ASTN2: variants seen among roughly 807,000 people sequenced by gnomAD.
ASTN2 encodes astrotactin-2.
A neutral mutation model predicts 139.8 loss-of-function variants in ASTN2; 54 were observed. The ratio of observed to expected loss-of-function variants is 0.39; its 90% CI spans 0.31 to 0.48. The LOEUF is 0.48. Among genes scored for constraint, ASTN2 ranks in the 20% least tolerant of loss-of-function variants. The pLI, the probability that ASTN2 is intolerant of heterozygous loss-of-function variation, is 0.95. For missense variants in ASTN2, 1,565 were observed against 1,725.1 expected (o/e 0.91, Z 1.64); for synonymous variants, 756 against 719.5 (o/e 1.05, Z -0.81).
At chr9:116,838,819 A>T (rs1390063131) in intron 11 of ASTN2, among the ~76,000 whole-genome samples, 1 of 152,202 alleles carries the variant, frequency 6.6e-6, no homozygotes, top group Admixed American at 6.5e-5. Flanking sequence ...GACAGCAGGA[A>T]GTCAGAGAAG....
At chr9:117,088,628 A>C (rs1460443500) in intron 5 of ASTN2, among the ~76,000 whole-genome samples, 1 of 152,216 alleles carries the variant, frequency 6.6e-6, no homozygotes, top group Non-Finnish European at 1.5e-5. Flanking sequence ...CCAGCTTAGG[A>C]ATTGCCAAAT....
intron 2 of ASTN2, among the ~76,000 whole-genome samples, chr9:117,220,402 C>T (rs1056861478): frequency 2.6e-5 from 4 of 152,128 alleles, no homozygotes; most frequent in Non-Finnish European, 4.4e-5. Flanking sequence ...TCCCCTCAGC[C>T]TGAAGCACCC....
chr9:116,479,320 A>C lies in ASTN2; in HGVS notation c.3497+8039T>G, dbSNP rs1177901123. Among the ~76,000 whole-genome samples the C allele has an allele frequency of 2.0e-5, 3 of 152,200 alleles. No homozygotes were observed. In the South Asian group the frequency reaches 6.2e-4, roughly 31 times the overall value. ...AGAGGGTAGGGTAGGAATGTAAATA[A>C]AGGGAAACATTGGGATTTCATCTAA... On this transcript the variant is annotated intron_variant, in intron 20 of 22. Transcript: ENST00000313400.
At chr9:116,978,552 T>G (rs1836423399) in intron 7 of ASTN2, among the ~76,000 whole-genome samples, 1 of 151,138 alleles carries the variant, frequency 6.6e-6, no homozygotes, top group Non-Finnish European at 1.5e-5. Context: ...CCTTGGATCC[T>G]ACAGTGATTC....
rs539643645 is a variant in ASTN2, at chr9:117,169,436, C to T, written c.1016-27958G>A. 2.6e-5 allele frequency among the ~76,000 whole-genome samples: 4 copies of T among 152,250 alleles called. No homozygotes were observed. The South Asian group carries it at 8.3e-4, about 32-fold the overall frequency. ...GGGGTTTATTTATAGTGACTCTCTG[C>T]TTTTCCCTTTCCTGCCACAATTGCA... On this transcript the variant is annotated intron_variant, in intron 3 of 22. Coordinates refer to ENST00000313400, the MANE Select transcript of ASTN2 (RefSeq NM_001365068.1).
In ASTN2 at chr9:116,620,533, G is replaced by A. The variant is rs942994483; in HGVS notation, c.3073-90C>T. The A allele has an allele frequency of 1.3e-5, 20 of 1,502,004 alleles. 1 individual carries two copies. The South Asian group carries it at 1.6e-4, about 12-fold the overall frequency. The allele number at this position is 1,502,004 out of a possible 1,614,324, so 93.0% of individuals were successfully genotyped here. A position where few individuals can be genotyped will look rare whatever the true frequency, so the allele number is the denominator to read the frequency against. On this transcript the variant is annotated intron_variant, in intron 17 of 22. Transcript: ENST00000313400. ...GCTGATGGCCATGATGTGAGCCATC[G>A]AGGGCTTTAGAGTAGCCCCTTTAAG...
At chr9:116,708,835 T>C (rs1326019842) in intron 16 of ASTN2, among the ~76,000 whole-genome samples, 1 of 150,122 alleles carries the variant, frequency 6.7e-6, no homozygotes, top group Admixed American at 6.6e-5. Flanking sequence ...AACCCGTTTA[T>C]ACTATTACTT....
chr9:117,241,928 C>A (rs569382347), intron 2 of ASTN2, among the ~76,000 whole-genome samples: 10 of 150,090 alleles, frequency 6.7e-5, no homozygotes, highest in East Asian at 1.9e-4. Flanking sequence ...CAAGTTACCC[C>A]CCCCCACACA....
Position 116,473,599 on chromosome 9 carries a change from G to A in ASTN2, c.3497+13760C>T, listed in dbSNP as rs1004803382. Among the ~76,000 whole-genome samples the A allele has an allele frequency of 3.9e-5, 6 of 152,162 alleles. No individual in the cohort carries two copies. The East Asian group carries it at 9.7e-4, about 25-fold the overall frequency. ...TTCAAGGTCATCATTTCAGTTGGCA[G>A]ATAAAGACCTATTCAAGGCCAGGTG... On this transcript the variant is annotated intron_variant, in intron 20 of 22. Coordinates refer to ENST00000313400, the MANE Select transcript of ASTN2 (RefSeq NM_001365068.1).
intron 19 of ASTN2, among the ~76,000 whole-genome samples, chr9:116,513,946 C>G (rs955990840): frequency 2.0e-5 from 3 of 151,766 alleles, no homozygotes; most frequent in African/African-American, 4.8e-5. Flanking sequence ...TGGGTTCGAA[C>G]TTCCTCCTTT....
At chr9:116,756,784 C>CAT (rs1829543762) in intron 13 of ASTN2, among the ~76,000 whole-genome samples, 1 of 151,562 alleles carries the variant, frequency 6.6e-6, no homozygotes, top group South Asian at 2.1e-4. Flanking sequence ...CACACACACA[C>CAT]ACACACACAC....
intron 7 of ASTN2, among the ~76,000 whole-genome samples, chr9:116,992,213 T>C (rs1450186103): frequency 1.3e-5 from 2 of 152,130 alleles, no homozygotes; most frequent in African/African-American, 4.8e-5. Context: ...TGTTGCAGCC[T>C]CCTCTCTGCC....
intron 3 of ASTN2, among the ~76,000 whole-genome samples, chr9:117,178,822 C>T (rs1261907138): frequency 2.0e-5 from 3 of 152,200 alleles, no homozygotes; most frequent in African/African-American, 4.8e-5. Context: ...GGCACCAGCC[C>T]TAATTAAGTT....
At chr9:116,802,662 G>A (rs574015040) in intron 13 of ASTN2, among the ~76,000 whole-genome samples, 11 of 152,338 alleles carry the variant, frequency 7.2e-5, no homozygotes, top group African/African-American at 2.6e-4. Context: ...TCTGAGAGCT[G>A]CTGTGAGAAA....
chr9:117,255,760 T>C (rs1833669827), intron 2 of ASTN2, among the ~76,000 whole-genome samples: 2 of 152,172 alleles, frequency 1.3e-5, no homozygotes, highest in Non-Finnish European at 2.9e-5. Flanking sequence ...CAATGGCTAT[T>C]GCAAGCGATG....
chr9:116,548,810 C>T (rs1422624588), intron 19 of ASTN2, among the ~76,000 whole-genome samples: 4 of 152,094 alleles, frequency 2.6e-5, no homozygotes. Flanking sequence ...TGTGCCCCAT[C>T]CCCATAAATT....
At chr9:117,375,713 T>C (rs888646124) in intron 1 of ASTN2, among the ~76,000 whole-genome samples, 1 of 152,174 alleles carries the variant, frequency 6.6e-6, no homozygotes, top group African/African-American at 2.4e-5. Context: ...GAGTTTCCCA[T>C]TGCTGCTGTA....
At chr9:116,538,353 GAAGGAAGGAAAC>G (rs1851735362) in intron 19 of ASTN2, among the ~76,000 whole-genome samples, 3 of 152,060 alleles carry the variant, frequency 2.0e-5, no homozygotes, top group Middle Eastern at 3.2e-3. Context: ...AGGAAGAAAG[GAAGGAAGGAAAC>G]AAGGAAGGAA....
chr9:116,508,395 T>C (rs1415401606), intron 19 of ASTN2, among the ~76,000 whole-genome samples: 1 of 152,182 alleles, frequency 6.6e-6, no homozygotes, highest in African/African-American at 2.4e-5. Context: ...CCGTATGCTC[T>C]GCTCACTCTT....
Sources: allele counts gnomAD v4.1 joint callset (sites outside exome capture counted in the v4.1 genomes callset), GRCh38; gene constraint gnomAD v4.1.1; transcripts MANE v1.5; gene names NCBI Gene and HGNC (gene_info 2026-07-23, HGNC 2026-07-21).